THOC7: variants seen among roughly 807,000 people sequenced by gnomAD.
THOC7 encodes NIF3L1-binding protein 1.
Under a neutral mutation model 33.1 loss-of-function variants are expected in THOC7, and 22 were observed. The observed-to-expected ratio is 0.66, with a 90% CI of 0.47 to 0.95. The LOEUF (loss-of-function observed/expected upper bound fraction) is 0.95, where lower values mean the gene tolerates loss of function less well. Ranked by LOEUF, THOC7 falls within the 40% of genes least tolerant of loss-of-function variation. The pLI is 0.00. For synonymous variants in THOC7, 77 were observed against 76.8 expected, an observed-to-expected ratio of 1.00 and a Z score of -0.01; for missense variants, 184 against 245.3, an observed-to-expected ratio of 0.75 and a Z score of 1.67.
upstream of THOC7, among the ~76,000 whole-genome samples, chr3:63,864,311 G>C (rs1392471463): frequency 6.6e-6 from 1 of 151,892 alleles, no homozygotes; most frequent in East Asian, 2.0e-4. Flanking sequence ...CGTTTCCCTG[G>C]GGGGTGGGGA....
chr3:63,855,811 C>T (rs748621462), intron 1 of THOC7, among the ~76,000 whole-genome samples: 4 of 152,268 alleles, frequency 2.6e-5, no homozygotes, highest in South Asian at 2.1e-4. Context: ...CTGTGATCTA[C>T]CAGTGAGGAT....
At chr3:63,835,475 G>A (rs949557852) in intron 5 of THOC7, 85 bp from the exon 6 acceptor site, 4 of 1,239,354 alleles carry the variant, frequency 3.2e-6, no homozygotes, top group African/African-American at 1.5e-5. Flanking sequence ...TTACTAGATA[G>A]GATTTTTAAA....
In THOC7 at chr3:63,838,016, C is replaced by CT; in HGVS notation, c.311dup (p.Gln105AlafsTer16). ...GTATTCGTTTTGCTTGAAGAATTTG[C>CT]TTTTTGCACTCAGCAATTTTTTCAT... On this transcript the variant is annotated frameshift_variant, in exon 4 of 8. Coordinates refer to ENST00000295899, the MANE Select transcript of THOC7 (RefSeq NM_025075.4). LOFTEE classifies it high-confidence loss of function. 1.2e-6 allele frequency: 2 copies of CT among 1,609,398 alleles called. No individual in the cohort carries two copies. The highest frequency in any genetic ancestry group is 1.3e-5 in the African/African-American group (1 of 74,750).
At chr3:63,863,534 G>A in intron 1 of THOC7, 2 of 1,193,844 alleles carry the variant, frequency 1.7e-6, no homozygotes, top group Non-Finnish European at 2.1e-6. Flanking sequence ...CCGGGAGAGC[G>A]GACGGGGAAA....
intron 1 of THOC7, chr3:63,845,001 T>C: frequency 1.4e-6 from 1 of 691,230 alleles, no homozygotes; most frequent in Non-Finnish European, 2.6e-6. Flanking sequence ...TTTACATTTG[T>C]TGTAATTTTG....
intron 4 of THOC7, among the ~76,000 whole-genome samples, chr3:63,837,247 C>T (rs1701654190): frequency 2.0e-5 from 3 of 151,890 alleles, no homozygotes; most frequent in Admixed American, 6.6e-5. Context: ...GAACCTAAGC[C>T]ATAAAAACCC....
At position 63,834,108 on chromosome 3, in the gene THOC7, G is replaced by A. The variant is rs774324708; in HGVS notation, c.*24C>T. ...GTCATGTAGCTATTTCAATATTCCT[G>A]GGAGTGGTGGGCAATTAGCCTGTCT... On this transcript the variant is annotated 3_prime_UTR_variant, in exon 8 of 8. Coordinates refer to ENST00000295899, the MANE Select transcript of THOC7 (RefSeq NM_025075.4). 1.1e-5 allele frequency: 17 copies of A among 1,612,110 alleles called. No homozygotes were observed. In the South Asian group the frequency reaches 1.9e-4, roughly 18 times the overall value.
At chr3:63,847,435 A>G (rs901933183) in intron 1 of THOC7, among the ~76,000 whole-genome samples, 33 of 152,172 alleles carry the variant, frequency 2.2e-4, no homozygotes, top group Non-Finnish European at 2.9e-4. Flanking sequence ...CCAAAAAGCT[A>G]TATCAGAAGA....
At chr3:63,847,920 G>C (rs1312281311) in intron 1 of THOC7, among the ~76,000 whole-genome samples, 2 of 152,110 alleles carry the variant, frequency 1.3e-5, no homozygotes, top group South Asian at 2.1e-4. Context: ...AACTAGTTTA[G>C]GCCATGATGG....
intron 1 of THOC7, among the ~76,000 whole-genome samples, chr3:63,842,217 C>A (rs1701776274): frequency 1.3e-5 from 2 of 152,098 alleles, no homozygotes; most frequent in Non-Finnish European, 2.9e-5. Flanking sequence ...TGAAAAAATT[C>A]TCAACATCAC....
At chr3:63,838,719 T>C (rs987247694) in intron 2 of THOC7, among the ~76,000 whole-genome samples, 2 of 151,940 alleles carry the variant, frequency 1.3e-5, no homozygotes, top group South Asian at 4.2e-4. Flanking sequence ...GGTGGGATTG[T>C]TGTTCTTATC....
At chr3:63,846,256 C>T (rs1459156234) in intron 1 of THOC7, 4 of 443,248 alleles carry the variant, frequency 9.0e-6, no homozygotes, top group Non-Finnish European at 1.4e-5. Flanking sequence ...ATAAGAGAAT[C>T]GTCTGAAAAA....
chr3:63,854,877 G>T (rs958112755), intron 1 of THOC7: 8 of 151,374 alleles, frequency 5.3e-5, no homozygotes, highest in Admixed American at 2.6e-4. Flanking sequence ...GCGTAGTGGC[G>T]GGCGCCTGTA....
intron 1 of THOC7, among the ~76,000 whole-genome samples, chr3:63,846,494 G>A (rs754617277): frequency 9.2e-5 from 14 of 151,994 alleles, no homozygotes; most frequent in Non-Finnish European, 2.1e-4. Context: ...CACAACCTTC[G>A]TCTCCTGGGT....
At chr3:63,836,524 A>G (rs1017227562) in intron 4 of THOC7, among the ~76,000 whole-genome samples, 166 bp from the exon 5 acceptor site, 2 of 152,062 alleles carry the variant, frequency 1.3e-5, no homozygotes, top group African/African-American at 2.4e-5. Flanking sequence ...AGTTATAATT[A>G]TAACGATACA....
intron 1 of THOC7, chr3:63,846,264 A>T (rs1406255051): frequency 9.1e-6 from 4 of 441,798 alleles, no homozygotes; most frequent in African/African-American, 2.0e-5. Flanking sequence ...ATCGTCTGAA[A>T]AATCAGGAGA....
intron 1 of THOC7, among the ~76,000 whole-genome samples, chr3:63,840,877 A>C (rs1211862068): frequency 6.6e-6 from 1 of 152,254 alleles, no homozygotes; most frequent in Non-Finnish European, 1.5e-5. Context: ...CCACTGAACA[A>C]TAACAAATAA....
chr3:63,857,067 C>G (rs947162072), intron 1 of THOC7, among the ~76,000 whole-genome samples: 8 of 152,102 alleles, frequency 5.3e-5, no homozygotes, highest in African/African-American at 1.9e-4. Flanking sequence ...AGCATCTTGC[C>G]AAAAATTAAA....
chr3:63,838,271 T>C, intron 3 of THOC7, 101 bp downstream of exon 3: 1 of 967,718 alleles, frequency 1.0e-6, no homozygotes, highest in Non-Finnish European at 1.5e-6. Flanking sequence ...AATACAGTAA[T>C]TGTTATTATT....
Sources: allele counts gnomAD v4.1 joint callset (sites outside exome capture counted in the v4.1 genomes callset), GRCh38; gene constraint gnomAD v4.1.1; transcripts MANE v1.5; gene names NCBI Gene and HGNC (gene_info 2026-07-23, HGNC 2026-07-21).